TSGA10: variants seen among roughly 807,000 people sequenced by gnomAD.
TSGA10 encodes the protein testis specific 10.
Under a neutral mutation model 96.6 loss-of-function variants are expected in TSGA10, and 43 were observed. That is an observed-to-expected ratio of 0.44 (90% CI 0.35 to 0.57). The LOEUF (loss-of-function observed/expected upper bound fraction) is 0.57. TSGA10 is among the 20% of genes least tolerant of loss of function. The pLI, the probability that TSGA10 is intolerant of heterozygous loss-of-function variation, is 0.01. For synonymous variants in TSGA10, 229 were observed against 269.9 expected (o/e 0.85, Z 1.48); for missense variants, 703 against 834.4 (o/e 0.84, Z 1.94).
chr2:99,020,547 G>C (rs2079904249), intron 17 of TSGA10, 65 bp from the exon 18 acceptor site: 6 of 1,238,036 alleles, frequency 4.8e-6, no homozygotes. Flanking sequence ...TATATTATCA[G>C]GGACTCACAA....
intron 20 of TSGA10, among the ~76,000 whole-genome samples, chr2:99,006,825 A>G (rs1265317690): frequency 3.3e-5 from 5 of 152,204 alleles, no homozygotes; most frequent in Non-Finnish European, 7.3e-5. Flanking sequence ...AAATCATGCT[A>G]TTACAAAGAC....
chr2:99,026,959 G>A lies in TSGA10; in HGVS notation c.1615-6477C>T, dbSNP rs773318097. ...TTTGGGATGAAACTGTTCCACCTCA[G>A]ATCATCAGGCATTAGTTAGATTCTC... is the stretch of plus-strand genomic sequence containing the variant. On this transcript the variant is annotated intron_variant, in intron 17 of 20. Transcript: ENST00000393483. Among the ~76,000 whole-genome samples, 66 of 152,334 alleles carry A rather than the reference G, an allele frequency of 4.3e-4. 2 individuals are homozygous for A. Among genetic ancestry groups the A allele is most frequent in the Non-Finnish European group, 1.5e-4 (10 of 68,030 alleles).
intron 1 of TSGA10, among the ~76,000 whole-genome samples, chr2:99,134,301 T>A (rs1165513018): frequency 2.0e-5 from 3 of 152,140 alleles, no homozygotes; most frequent in Non-Finnish European, 4.4e-5. Context: ...TTTTCTCTAA[T>A]CTTGTCTTCA....
chr2:99,144,329 G>GT (rs1163088060), intron 1 of TSGA10, among the ~76,000 whole-genome samples: 2 of 151,796 alleles, frequency 1.3e-5, no homozygotes, highest in Non-Finnish European at 2.9e-5. Context: ...CCTGTGTTCC[G>GT]TTTTTTAAAT....
At chr2:99,141,488 C>G (rs2093552726) in intron 1 of TSGA10, 1 of 157,446 alleles carries the variant, frequency 6.4e-6, no homozygotes, top group East Asian at 1.9e-4. Context: ...ACGCACGGAG[C>G]GACGCGTACG....
At chr2:99,098,635 ATGT>A (rs1396580863) in intron 10 of TSGA10, among the ~76,000 whole-genome samples, 2 of 151,916 alleles carry the variant, frequency 1.3e-5, no homozygotes, top group Non-Finnish European at 2.9e-5. Context: ...CCAAAGCAAA[ATGT>A]TGGTCTTTGG....
intron 16 of TSGA10, among the ~76,000 whole-genome samples, chr2:99,045,280 T>G (rs1489421925): frequency 2.0e-5 from 3 of 151,870 alleles, no homozygotes; most frequent in Admixed American, 6.6e-5. Flanking sequence ...GACACATAAT[T>G]GTCAGATTCA....
chr2:99,053,440 T>A (rs1573892233), intron 16 of TSGA10, among the ~76,000 whole-genome samples: 1 of 151,678 alleles, frequency 6.6e-6, no homozygotes, highest in African/African-American at 2.4e-5. Flanking sequence ...ATCCCTGAGA[T>A]GCAAGGATGG....
chr2:99,102,893 T>C, intron 10 of TSGA10: 2 of 669,038 alleles, frequency 3.0e-6, no homozygotes, highest in Non-Finnish European at 5.3e-6. Context: ...TGTCTTTGTA[T>C]TTTATAAGAT....
At chr2:99,035,845 T>C (rs1375130634) in intron 16 of TSGA10, among the ~76,000 whole-genome samples, 1 of 152,164 alleles carries the variant, frequency 6.6e-6, no homozygotes, top group Non-Finnish European at 1.5e-5. Context: ...ACTGTTTTAT[T>C]CACAACATCT....
chr2:99,003,439 A>G (rs930500816), intron 20 of TSGA10, among the ~76,000 whole-genome samples: 13 of 152,224 alleles, frequency 8.5e-5, no homozygotes, highest in African/African-American at 3.1e-4. Flanking sequence ...TCAGCTCTGC[A>G]CCAAGTGGAC....
intron 16 of TSGA10, among the ~76,000 whole-genome samples, chr2:99,048,112 G>A (rs186990654): frequency 4.0e-4 from 61 of 152,270 alleles, no homozygotes; most frequent in African/African-American, 1.4e-3. Context: ...CTCATGGATA[G>A]GAAGAATCAA....
chr2:99,122,079 T>C (rs930799855), intron 2 of TSGA10, among the ~76,000 whole-genome samples: 3 of 152,214 alleles, frequency 2.0e-5, no homozygotes, highest in Non-Finnish European at 4.4e-5. Context: ...TGGCTGTACT[T>C]GTATAGGACT....
chr2:99,123,151 G>A (rs1179560259), intron 2 of TSGA10, among the ~76,000 whole-genome samples: 1 of 152,100 alleles, frequency 6.6e-6, no homozygotes, highest in Non-Finnish European at 1.5e-5. Context: ...TTCTTCTATA[G>A]ATAATGCATG....
At chr2:99,081,427 C>T (rs764193985) in intron 10 of TSGA10, 30 bp from the exon 11 acceptor site, 28 of 1,379,278 alleles carry the variant, frequency 2.0e-5, no homozygotes, top group Non-Finnish European at 2.6e-5. Flanking sequence ...AAAACTAATT[C>T]TGAAATTTTT....
At chr2:99,058,714 G>A (rs779184863) in intron 16 of TSGA10, among the ~76,000 whole-genome samples, 3 of 152,118 alleles carry the variant, frequency 2.0e-5, no homozygotes, top group East Asian at 1.9e-4. Flanking sequence ...AAATCCTAGC[G>A]AAACAGAAAT....
At chr2:99,123,236 T>C (rs1438555322) in intron 2 of TSGA10, among the ~76,000 whole-genome samples, 3 of 152,200 alleles carry the variant, frequency 2.0e-5, no homozygotes, top group Non-Finnish European at 4.4e-5. Context: ...TGTTAGGTAT[T>C]CCATCACCTT....
chr2:99,002,256 G>A (rs961771858), intron 20 of TSGA10, among the ~76,000 whole-genome samples: 1 of 152,190 alleles, frequency 6.6e-6, no homozygotes, highest in African/African-American at 2.4e-5. Context: ...TTACCCACAA[G>A]GGGAAGCCCA....
At chr2:99,139,565 C>T (rs773592582) in intron 1 of TSGA10, among the ~76,000 whole-genome samples, 3 of 152,040 alleles carry the variant, frequency 2.0e-5, no homozygotes, top group Non-Finnish European at 4.4e-5. Context: ...TAGAAAGGAA[C>T]TGCCTCACTA....
Sources: gnomAD v4.1 joint callset for allele counts (sites outside exome capture counted in the v4.1 genomes callset) on GRCh38, gnomAD v4.1.1 for gene constraint, MANE v1.5 for transcripts, NCBI Gene and HGNC (gene_info 2026-07-23, HGNC 2026-07-21) for gene names.